BARX2: variants seen among roughly 807,000 people sequenced by gnomAD.
BARX2 encodes BARX homeobox 2, also known as homeobox protein BarH-like 2.
Under a neutral mutation model 25.5 loss-of-function variants are expected in BARX2, and 11 were observed. The ratio of observed to expected loss-of-function variants is 0.43; its 90% CI spans 0.27 to 0.71. The LOEUF (loss-of-function observed/expected upper bound fraction) is 0.71, where lower values mean the gene tolerates loss of function less well. Ranked by LOEUF, BARX2 falls within the 30% of genes least tolerant of loss-of-function variation. The pLI, the probability that BARX2 is intolerant of heterozygous loss-of-function variation, is 0.19. For missense variants in BARX2, 360 were observed against 359.9 expected (o/e 1.00, Z 0.00); for synonymous variants, 137 against 149.5 (o/e 0.92, Z 0.61).
intron 1 of BARX2, among the ~76,000 whole-genome samples, chr11:129,391,184 T>C (rs758326095): frequency 6.6e-6 from 1 of 152,208 alleles, no homozygotes; most frequent in Non-Finnish European, 1.5e-5. Context: ...TGGCTAAATC[T>C]GGCCCACTAC....
At chr11:129,411,365 C>T (rs112644847) in intron 1 of BARX2, among the ~76,000 whole-genome samples, 61 of 120,416 alleles carry the variant, frequency 5.1e-4, no homozygotes, top group African/African-American at 1.9e-3. Context: ...AGTGAGACTC[C>T]ATCTCCAAAA....
At chr11:129,440,879 A>G (rs1056157903) in intron 2 of BARX2, among the ~76,000 whole-genome samples, 2 of 152,192 alleles carry the variant, frequency 1.3e-5, no homozygotes, top group Non-Finnish European at 1.5e-5. Context: ...AGATTCACAG[A>G]CGGCAATCCT....
At position 129,376,464 on chromosome 11, in the gene BARX2, C is replaced by T. The variant is rs1002599965; in HGVS notation, c.187+242C>T. ...CCTTAGGAGTGGGCTGCTCGCGCAACGCCTGATTGTCCTGCTCGGAGGAGA... is the reference window on the plus strand; with the variant it reads ...CCTTAGGAGTGGGCTGCTCGCGCAATGCCTGATTGTCCTGCTCGGAGGAGA... On this transcript the variant is annotated intron_variant, in intron 1 of 3. Transcript: ENST00000281437. The surrounding 1 kb of genome is among the most constrained non-coding windows in gnomAD (Gnocchi z 4.2). 6.6e-6 allele frequency among the ~76,000 whole-genome samples: 1 copy of T among 152,238 alleles called. No homozygotes were observed. Among genetic ancestry groups the T allele is most frequent in the Non-Finnish European group, 1.5e-5 (1 of 68,048 alleles).
chr11:129,403,444 C>T (rs1003722529), intron 1 of BARX2, among the ~76,000 whole-genome samples: 2 of 152,176 alleles, frequency 1.3e-5, no homozygotes, highest in African/African-American at 2.4e-5. Context: ...AGCCTTTACT[C>T]TTGCACCACC....
At chr11:129,405,324 A>G (rs747532075) in intron 1 of BARX2, among the ~76,000 whole-genome samples, 24 of 152,178 alleles carry the variant, frequency 1.6e-4, no homozygotes, top group Non-Finnish European at 2.2e-4. Flanking sequence ...AACCAAACTC[A>G]TCACCTTTCT....
intron 3 of BARX2, among the ~76,000 whole-genome samples, chr11:129,444,477 G>A (rs1591449411): frequency 1.3e-5 from 2 of 152,174 alleles, no homozygotes. Flanking sequence ...GCATGAGTCA[G>A]CAAATATATA....
chr11:129,381,601 A>T (rs1420019279), intron 1 of BARX2, among the ~76,000 whole-genome samples: 1 of 152,168 alleles, frequency 6.6e-6, no homozygotes, highest in Non-Finnish European at 1.5e-5. Flanking sequence ...TCCTACAGAT[A>T]TGTTTGTTTT....
At chr11:129,377,055 G>T (rs1420228814) in intron 1 of BARX2, among the ~76,000 whole-genome samples, 1 of 152,184 alleles carries the variant, frequency 6.6e-6, no homozygotes, top group Non-Finnish European at 1.5e-5. Context: ...TAGGATTTAG[G>T]TTATGGAACA....
chr11:129,384,419 T>C (rs1292348431), intron 1 of BARX2, among the ~76,000 whole-genome samples: 3 of 152,172 alleles, frequency 2.0e-5, no homozygotes, highest in East Asian at 1.9e-4. Flanking sequence ...GTCCCTGATA[T>C]TGATAACCTG....
At chr11:129,426,842 T>C (rs1049804256) in intron 1 of BARX2, among the ~76,000 whole-genome samples, 1 of 151,994 alleles carries the variant, frequency 6.6e-6, no homozygotes, top group African/African-American at 2.4e-5. Context: ...AAGTAACTAT[T>C]TGGGGAGTGT....
chr11:129,387,031 G>A lies in BARX2; in HGVS notation c.187+10809G>A, dbSNP rs189615305. On this transcript the variant is annotated intron_variant, in intron 1 of 3. Transcript: ENST00000281437. ...ACTGGACGTGATGGAAAGGATGGTG[G>A]CTCTATCAGTTTCATTACCAGGGTT... 1.2e-3 allele frequency among the ~76,000 whole-genome samples: 176 copies of A among 152,332 alleles called. 1 individual carries two copies. Among genetic ancestry groups the A allele is most frequent in the Admixed American group, 1.7e-3 (26 of 15,298 alleles).
At position 129,439,912 on chromosome 11, in the gene BARX2, A is replaced by ATTTT. The variant is rs10694005; in HGVS notation, c.488+2868_488+2871dup. ...AGGCTGATTTTTCAGAAGTCAGAGA[A>ATTTT]TTTTTTTTTTCAGAAATATTAGTTC... On this transcript the variant is annotated intron_variant, in intron 2 of 3. Transcript: ENST00000281437. Among the ~76,000 whole-genome samples the ATTTT allele has an allele frequency of 1.0e-3, 153 of 151,082 alleles. 1 individual carries two copies. The highest frequency in any genetic ancestry group is 3.5e-3 in the African/African-American group (142 of 41,138).
intron 3 of BARX2, among the ~76,000 whole-genome samples, chr11:129,450,554 C>T (rs1454970665): frequency 6.6e-6 from 1 of 152,168 alleles, no homozygotes; most frequent in Non-Finnish European, 1.5e-5. Context: ...AATTACATGG[C>T]TAAACTTTTA....
intron 1 of BARX2, among the ~76,000 whole-genome samples, chr11:129,427,687 G>A (rs552120568): frequency 8.1e-4 from 124 of 152,306 alleles, no homozygotes; most frequent in African/African-American, 2.9e-3. Context: ...CACAGGAGGT[G>A]TGTGAGGGCA....
chr11:129,448,414 TACAACTC>T (rs1862356269), intron 3 of BARX2, among the ~76,000 whole-genome samples: 1 of 152,096 alleles, frequency 6.6e-6, no homozygotes, highest in African/African-American at 2.4e-5. Flanking sequence ...AAAGAACACT[TACAACTC>T]AATAATAAAA....
At chr11:129,433,613 G>A (rs1350329381) in intron 1 of BARX2, among the ~76,000 whole-genome samples, 1 of 151,936 alleles carries the variant, frequency 6.6e-6, no homozygotes. Flanking sequence ...ATGCTCATTC[G>A]GCCTTTAGGG....
intron 3 of BARX2, among the ~76,000 whole-genome samples, chr11:129,444,109 GA>G (rs369194472): frequency 0.062 from 8,976 of 145,556 alleles, 849 homozygotes; most frequent in African/African-American, 0.21. Context: ...CAGTTTTCAG[GA>G]AAAAAAAAAA....
intron 1 of BARX2, among the ~76,000 whole-genome samples, chr11:129,413,923 G>A (rs980702355): frequency 1.3e-5 from 2 of 152,050 alleles, no homozygotes; most frequent in South Asian, 2.1e-4. Context: ...AAAATTAGCC[G>A]GGCGTGGTGG....
At chr11:129,438,574 CAG>C (rs745819535) in intron 2 of BARX2, among the ~76,000 whole-genome samples, 1 of 152,152 alleles carries the variant, frequency 6.6e-6, no homozygotes, top group Non-Finnish European at 1.5e-5. Flanking sequence ...ATTTAAGTGA[CAG>C]AGGAGTCTGC....
Sources: gnomAD v4.1 joint callset for allele counts (sites outside exome capture counted in the v4.1 genomes callset) on GRCh38, gnomAD v4.1.1 for gene constraint, Gnocchi (gnomAD v3.1) non-coding constraint, MANE v1.5 for transcripts, NCBI Gene and HGNC (gene_info 2026-07-23, HGNC 2026-07-21) for gene names.